Variants in RGPD2 observed in about 807,000 individuals in gnomAD.
RGPD2 encodes RANBP2-like and GRIP domain-containing protein 2.
A neutral mutation model predicts 36.0 loss-of-function variants in RGPD2; 2 were observed. The ratio of observed to expected loss-of-function variants is 0.06; its 90% CI spans 0.02 to 0.17. The LOEUF (loss-of-function observed/expected upper bound fraction) is 0.17. Ranked by LOEUF, RGPD2 falls within the 10% of genes least tolerant of loss-of-function variation. The pLI is 1.00. For missense variants in RGPD2, 40 were observed against 464.3 expected (o/e 0.09, Z 8.40); for synonymous variants, 19 against 163.8 (o/e 0.12, Z 6.75).
the RGPD2 span, among the ~76,000 whole-genome samples, chr2:87,853,381 C>T: frequency 6.6e-6 from 1 of 152,144 alleles, no homozygotes; most frequent in African/African-American, 2.4e-5. Flanking sequence ...TGCCACCACC[C>T]CTGGCAATTT....
the RGPD2 span, among the ~76,000 whole-genome samples, chr2:87,964,984 C>A: frequency 6.6e-6 from 1 of 151,962 alleles, no homozygotes. Context: ...CCTACCTTAC[C>A]CCCACCAAAC....
the RGPD2 span, among the ~76,000 whole-genome samples, chr2:87,836,280 G>T: frequency 6.8e-6 from 1 of 146,354 alleles, no homozygotes; most frequent in Non-Finnish European, 1.5e-5. Flanking sequence ...AAAGAAGAAA[G>T]AAAGGAAAGA....
At chr2:87,846,604 T>C in the RGPD2 span, among the ~76,000 whole-genome samples, 1 of 152,174 alleles carries the variant, frequency 6.6e-6, no homozygotes, top group East Asian at 1.9e-4. Flanking sequence ...CCAAACTTTG[T>C]GTAAGAACGC....
the RGPD2 span, among the ~76,000 whole-genome samples, chr2:87,955,273 C>G: frequency 6.7e-6 from 1 of 148,430 alleles, no homozygotes; most frequent in Non-Finnish European, 1.5e-5. Flanking sequence ...CCACAGCCTC[C>G]CAAAGTGCTG....
chr2:87,973,178 G>T, the RGPD2 span: 1 of 1,601,528 alleles, frequency 6.2e-7, no homozygotes, highest in African/African-American at 1.3e-5. Context: ...CATTTTGAAG[G>T]AACAAATGTG....
At chr2:87,830,488 C>T (rs1672464654), upstream of RGPD2, among the ~76,000 whole-genome samples, 1 of 152,120 alleles carries the variant, frequency 6.6e-6, no homozygotes, top group Non-Finnish European at 1.5e-5. Flanking sequence ...TCTGAACCCT[C>T]CAAACTCTTT....
chr2:87,958,709 A>T, the RGPD2 span, among the ~76,000 whole-genome samples: 1 of 152,214 alleles, frequency 6.6e-6, no homozygotes, highest in South Asian at 2.1e-4. Flanking sequence ...TACATATGTG[A>T]CTTTCAAACT....
At chr2:87,840,866 GA>G in the RGPD2 span, among the ~76,000 whole-genome samples, 4 of 144,000 alleles carry the variant, frequency 2.8e-5, no homozygotes, top group Non-Finnish European at 6.0e-5. Flanking sequence ...ATGCATTGTA[GA>G]AAACTTAAAA....
At chr2:87,876,992 A>G in the RGPD2 span, among the ~76,000 whole-genome samples, 2 of 152,282 alleles carry the variant, frequency 1.3e-5, no homozygotes, top group African/African-American at 4.8e-5. Flanking sequence ...TTCTTGATTT[A>G]ACATCTGTTT....
At chr2:87,891,222 AAAACAAAC>A in the RGPD2 span, among the ~76,000 whole-genome samples, 30 of 45,402 alleles carry the variant, frequency 6.6e-4, no homozygotes, top group East Asian at 4.1e-3. Context: ...CAAAAGAAGA[AAAACAAAC>A]AAACAAACAA....
chr2:87,873,219 T>C, the RGPD2 span, among the ~76,000 whole-genome samples: 11 of 147,990 alleles, frequency 7.4e-5, no homozygotes, highest in Non-Finnish European at 1.2e-4. Flanking sequence ...ATATGTACCA[T>C]ATTTTCTTTA....
the RGPD2 span, among the ~76,000 whole-genome samples, chr2:87,920,507 G>C: frequency 7.1e-6 from 1 of 140,554 alleles, no homozygotes; most frequent in East Asian, 2.0e-4. Flanking sequence ...CTTCTTTTCT[G>C]TTCCTGACTT....
chr2:87,874,096 C>T, the RGPD2 span, among the ~76,000 whole-genome samples: 1 of 146,974 alleles, frequency 6.8e-6, no homozygotes, highest in Admixed American at 6.7e-5. Context: ...ATTTAAGTTT[C>T]CCCTAGACCC....
chr2:87,897,064 G>T, the RGPD2 span, among the ~76,000 whole-genome samples: 1 of 152,288 alleles, frequency 6.6e-6, no homozygotes, highest in Non-Finnish European at 1.5e-5. Flanking sequence ...AAAGTAGCTT[G>T]TTACCAAAAA....
the RGPD2 span, among the ~76,000 whole-genome samples, chr2:87,841,354 C>T: frequency 6.6e-6 from 1 of 152,136 alleles, no homozygotes; most frequent in Non-Finnish European, 1.5e-5. Context: ...GCTTGTACAA[C>T]CTGCAGAACC....
the RGPD2 span, among the ~76,000 whole-genome samples, chr2:87,919,122 A>G: frequency 6.6e-6 from 1 of 151,694 alleles, no homozygotes; most frequent in Non-Finnish European, 1.5e-5. Context: ...AGCATCAAAA[A>G]TACATAGTTA....
At chr2:87,984,971 A>C in the RGPD2 span, among the ~76,000 whole-genome samples, 2 of 149,742 alleles carry the variant, frequency 1.3e-5, no homozygotes, top group Non-Finnish European at 3.0e-5. Flanking sequence ...TGCAAGGCTA[A>C]AACATATAGA....
At chr2:87,930,418 C>T in the RGPD2 span, among the ~76,000 whole-genome samples, 11 of 152,150 alleles carry the variant, frequency 7.2e-5, no homozygotes, top group Non-Finnish European at 1.5e-4. Flanking sequence ...GCGATAAAGC[C>T]TACTTGATCG....
At chr2:87,961,710 A>C in the RGPD2 span, among the ~76,000 whole-genome samples, 1 of 136,726 alleles carries the variant, frequency 7.3e-6, no homozygotes, top group Non-Finnish European at 1.6e-5. Flanking sequence ...AAAAAAAAAA[A>C]AAAAGCGCAT....
Sources: gnomAD v4.1 joint callset for allele counts (sites outside exome capture counted in the v4.1 genomes callset) on GRCh38, gnomAD v4.1.1 for gene constraint, MANE v1.5 for transcripts, NCBI Gene and HGNC (gene_info 2026-07-23, HGNC 2026-07-21) for gene names.